The following POLA1 variants were observed in gnomAD, a reference collection of about 807,000 sequenced individuals.
POLA1 encodes DNA polymerase alpha 1, catalytic subunit, also known as DNA polymerase alpha catalytic subunit.
POLA1 carries 15 observed loss-of-function variants against 124.0 expected under a neutral mutation model. The observed-to-expected ratio is 0.12, with a 90% CI of 0.08 to 0.19. POLA1 has a LOEUF of 0.19. POLA1 is among the 10% of genes least tolerant of loss of function. POLA1 has a pLI of 1.00. For missense variants in POLA1, 886 were observed against 1,103.4 expected (o/e 0.80, Z 2.79); for synonymous variants, 408 against 389.4 (o/e 1.05, Z -0.56).
At chrX:24,752,492 A>G (rs1312779139) in intron 26 of POLA1, among the ~76,000 whole-genome samples, 1 of 112,239 alleles carries the variant, frequency 8.9e-6, no homozygotes, top group African/African-American at 3.2e-5. Flanking sequence ...GAGAGGCATA[A>G]AAAAGAAATT....
At chrX:24,873,204 A>G (rs2147116149) in intron 34 of POLA1, among the ~76,000 whole-genome samples, 1 of 111,919 alleles carries the variant, frequency 8.9e-6, no homozygotes, top group East Asian at 2.8e-4. Context: ...GAAGACTTTT[A>G]GGTAATATAT....
intron 36 of POLA1, among the ~76,000 whole-genome samples, chrX:24,954,356 G>A (rs2048081192): frequency 1.8e-5 from 2 of 112,192 alleles, no homozygotes. Flanking sequence ...ATCTGGCTGT[G>A]TTGCTAGATC....
At chrX:24,959,327 G>A (rs1431072661) in intron 36 of POLA1, among the ~76,000 whole-genome samples, 2 of 110,805 alleles carry the variant, frequency 1.8e-5, no homozygotes, top group Non-Finnish European at 3.8e-5. Flanking sequence ...GGCTGGGCAT[G>A]GTGGTACACG....
intron 34 of POLA1, among the ~76,000 whole-genome samples, chrX:24,881,530 T>G (rs996741041): frequency 8.9e-6 from 1 of 111,772 alleles, no homozygotes; most frequent in Admixed American, 9.5e-5. Flanking sequence ...ACCCTACTCA[T>G]GCAGTTTTTC....
At chrX:24,878,820 A>T (rs1174056550) in intron 34 of POLA1, among the ~76,000 whole-genome samples, 3 of 109,897 alleles carry the variant, frequency 2.7e-5, no homozygotes, top group Non-Finnish European at 5.7e-5. Flanking sequence ...CTGAAAATTT[A>T]TCTTGGCAGC....
chrX:24,883,174 C>T (rs1397633082), intron 34 of POLA1, among the ~76,000 whole-genome samples: 1 of 111,945 alleles, frequency 8.9e-6, no homozygotes, highest in East Asian at 2.8e-4. Flanking sequence ...ATGTCCTTTG[C>T]TCACTTTTTA....
intron 26 of POLA1, among the ~76,000 whole-genome samples, chrX:24,774,990 A>G (rs1394268934): frequency 8.9e-6 from 1 of 112,441 alleles, no homozygotes; most frequent in Non-Finnish European, 1.9e-5. Context: ...TGGGATTTTA[A>G]ACAGATATAA....
intron 32 of POLA1, among the ~76,000 whole-genome samples, chrX:24,835,348 G>C (rs779222869): frequency 9.0e-6 from 1 of 110,635 alleles, no homozygotes; most frequent in African/African-American, 3.3e-5. Flanking sequence ...CAGTGCGCCC[G>C]GCCCATTTTG....
At chrX:24,881,446 A>G (rs1016675208) in intron 34 of POLA1, among the ~76,000 whole-genome samples, 7 of 112,020 alleles carry the variant, frequency 6.2e-5, no homozygotes, top group Admixed American at 9.5e-5. Flanking sequence ...TGTTTTATAG[A>G]TGAGGAAACT....
At chrX:24,907,593 T>C in intron 35 of POLA1, among the ~76,000 whole-genome samples, 1 of 112,074 alleles carries the variant, frequency 8.9e-6, no homozygotes, top group East Asian at 2.8e-4. Context: ...TTTGGAAGTG[T>C]TTAAACAATT....
intron 36 of POLA1, among the ~76,000 whole-genome samples, chrX:24,971,930 A>AGATTT (rs1386345788): frequency 8.8e-5 from 6 of 68,020 alleles, no homozygotes; most frequent in African/African-American, 4.1e-4. Flanking sequence ...TGGATGTGGA[A>AGATTT]GATTTTATTT....
At chrX:24,883,713 C>G (rs1228163937) in intron 34 of POLA1, among the ~76,000 whole-genome samples, 1 of 112,053 alleles carries the variant, frequency 8.9e-6, no homozygotes, top group Non-Finnish European at 1.9e-5. Flanking sequence ...ATAAATGTGG[C>G]TAAGCCAGGC....
chrX:24,811,227 T>C (rs1306434194), intron 28 of POLA1, among the ~76,000 whole-genome samples: 1 of 109,236 alleles, frequency 9.2e-6, no homozygotes, highest in East Asian at 2.8e-4. Context: ...ATTACAGGCA[T>C]GAGCCACCAT....
At chrX:24,805,708 A>G (rs1475563125) in intron 26 of POLA1, among the ~76,000 whole-genome samples, 1 of 111,824 alleles carries the variant, frequency 8.9e-6, no homozygotes, top group Admixed American at 9.5e-5. Flanking sequence ...GCTTGAAAAA[A>G]TTCCATCATC....
At chrX:24,773,799 A>G (rs903572804) in intron 26 of POLA1, among the ~76,000 whole-genome samples, 1 of 111,857 alleles carries the variant, frequency 8.9e-6, no homozygotes, top group Non-Finnish European at 1.9e-5. Flanking sequence ...CATATTGCAA[A>G]TGAAATGTGA....
chrX:24,967,098 C>T (rs963972201), intron 36 of POLA1, among the ~76,000 whole-genome samples: 2 of 110,522 alleles, frequency 1.8e-5, no homozygotes, highest in African/African-American at 6.6e-5. Context: ...TTGTGTCCAT[C>T]GAGAGCAGCT....
At chrX:24,881,831 G>A (rs2047006438) in intron 34 of POLA1, among the ~76,000 whole-genome samples, 1 of 111,650 alleles carries the variant, frequency 9.0e-6, no homozygotes, top group South Asian at 3.8e-4. Context: ...CCTGTATAAT[G>A]ATAAGGAGGT....
At chrX:24,844,282 G>T in intron 34 of POLA1, among the ~76,000 whole-genome samples, 1 of 111,537 alleles carries the variant, frequency 9.0e-6, no homozygotes, top group Admixed American at 9.5e-5. Flanking sequence ...TTGGAAAGAA[G>T]GCTTTTATTC....
chrX:24,954,160 G>A (rs2048079230), intron 36 of POLA1, among the ~76,000 whole-genome samples: 1 of 112,694 alleles, frequency 8.9e-6, no homozygotes, highest in African/African-American at 3.2e-5. Context: ...TTTGAAATAT[G>A]TCACTGGCTT....
Sources: gnomAD v4.1 joint callset for allele counts (sites outside exome capture counted in the v4.1 genomes callset) on GRCh38, gnomAD v4.1.1 for gene constraint, MANE v1.5 for transcripts, NCBI Gene and HGNC (gene_info 2026-07-23, HGNC 2026-07-21) for gene names.